Variants in ANKRD30BL observed in about 807,000 individuals in gnomAD.
The protein encoded by ANKRD30BL is ankyrin repeat domain 30B like.
In ANKRD30BL, 20 loss-of-function variants were observed where a neutral mutation model predicts 18.4. The ratio of observed to expected loss-of-function variants is 1.09; its 90% CI spans 0.77 to 1.58. ANKRD30BL has a LOEUF of 1.58. Among genes scored for constraint, ANKRD30BL ranks in the 40% most tolerant of loss-of-function variants. The pLI, the probability that ANKRD30BL is intolerant of heterozygous loss-of-function variation, is 0.00. For missense variants in ANKRD30BL, 224 were observed against 268.6 expected (o/e 0.83, Z 1.16); for synonymous variants, 72 against 100.9 (o/e 0.71, Z 1.72).
chr2:132,219,575 A>G (rs1679611609), intron 1 of ANKRD30BL, among the ~76,000 whole-genome samples: 1 of 152,068 alleles, frequency 6.6e-6, no homozygotes, highest in South Asian at 2.1e-4. Context: ...ATCATAGAGC[A>G]GTTTTGAAAC....
At chr2:132,232,392 A>G (rs1447176842) in intron 1 of ANKRD30BL, among the ~76,000 whole-genome samples, 1 of 152,202 alleles carries the variant, frequency 6.6e-6, no homozygotes, top group East Asian at 1.9e-4. Context: ...ACTCTGAGCT[A>G]TGGGAGGACA....
At chr2:132,206,809 G>C (rs200492579) in intron 1 of ANKRD30BL, among the ~76,000 whole-genome samples, 1 of 152,202 alleles carries the variant, frequency 6.6e-6, no homozygotes. Flanking sequence ...TTAAATGAAG[G>C]AGTTAGCAGT....
At chr2:132,148,435 C>T (rs1186954393) in intron 5 of ANKRD30BL, among the ~76,000 whole-genome samples, 1 of 130,942 alleles carries the variant, frequency 7.6e-6, no homozygotes, top group Non-Finnish European at 1.6e-5. Context: ...GGCACGATCT[C>T]AGCAGATCAC....
At chr2:132,208,039 G>T (rs1679244104) in intron 1 of ANKRD30BL, among the ~76,000 whole-genome samples, 1 of 152,044 alleles carries the variant, frequency 6.6e-6, no homozygotes, top group Non-Finnish European at 1.5e-5. Flanking sequence ...AAATAAAGTG[G>T]CTTCTACTGT....
At chr2:132,182,260 A>C (rs1187601330) in intron 1 of ANKRD30BL, among the ~76,000 whole-genome samples, 1 of 152,162 alleles carries the variant, frequency 6.6e-6, no homozygotes, top group Non-Finnish European at 1.5e-5. Context: ...AGATGGGCAG[A>C]TCACGAGGTC....
At chr2:132,239,372 T>C (rs1348428070) in intron 1 of ANKRD30BL, among the ~76,000 whole-genome samples, 4 of 152,018 alleles carry the variant, frequency 2.6e-5, no homozygotes, top group Non-Finnish European at 5.9e-5. Flanking sequence ...GGGTTCAACA[T>C]TCCTTTTCAT....
At chr2:132,193,087 CTCACCACAGAAGAGGCACTCAATAACCAA>C (rs1340159482) in intron 1 of ANKRD30BL, among the ~76,000 whole-genome samples, 1 of 152,172 alleles carries the variant, frequency 6.6e-6, no homozygotes, top group African/African-American at 2.4e-5. Flanking sequence ...CAAGAAAGCA[CTCACCACAGAAGAGGCACTCAATAACCAA>C]TCAGACAAAA....
intron 1 of ANKRD30BL, among the ~76,000 whole-genome samples, chr2:132,254,917 T>A (rs1680781263): frequency 6.6e-6 from 1 of 152,140 alleles, no homozygotes; most frequent in South Asian, 2.1e-4. Flanking sequence ...AATCTGTCAA[T>A]CCTGTCCGTG....
intron 1 of ANKRD30BL, among the ~76,000 whole-genome samples, chr2:132,198,489 A>G (rs546614789): frequency 6.6e-6 from 1 of 151,382 alleles, no homozygotes; most frequent in East Asian, 1.9e-4. Context: ...ATGCCCCGCT[A>G]ATTTTTTGCA....
At chr2:132,256,955 C>A in intron 1 of ANKRD30BL, 1 of 500,596 alleles carries the variant, frequency 2.0e-6, no homozygotes, top group Non-Finnish European at 4.0e-6. Flanking sequence ...CGCAGAGGGG[C>A]GGCTCGGGGA....
intron 1 of ANKRD30BL, among the ~76,000 whole-genome samples, chr2:132,221,248 T>A (rs1679669134): frequency 7.0e-6 from 1 of 142,088 alleles, no homozygotes; most frequent in African/African-American, 2.8e-5. Flanking sequence ...GAGGGGCTCC[T>A]CTGCCCGGCC....
chr2:132,204,503 A>G (rs1373322068), intron 1 of ANKRD30BL, among the ~76,000 whole-genome samples: 2 of 150,274 alleles, frequency 1.3e-5, no homozygotes, highest in African/African-American at 4.9e-5. Flanking sequence ...TATATATAGT[A>G]TATATATATA....
intron 1 of ANKRD30BL, among the ~76,000 whole-genome samples, chr2:132,237,898 T>C (rs1573877341): frequency 6.6e-6 from 1 of 152,180 alleles, no homozygotes; most frequent in East Asian, 1.9e-4. Flanking sequence ...AACACTCTTT[T>C]TGCAGAGTCT....
chr2:132,175,754 A>C (rs958317265), intron 1 of ANKRD30BL, among the ~76,000 whole-genome samples: 4 of 152,228 alleles, frequency 2.6e-5, no homozygotes, highest in Non-Finnish European at 4.4e-5. Context: ...TATCGAGACT[A>C]GAGAATGGCG....
rs780897408 is a variant in ANKRD30BL at position 132,154,735 on chromosome 2, T to A, written c.541A>T (p.Lys181Ter). 8.8e-5 allele frequency: 64 copies of A among 730,498 alleles called. No homozygotes were observed. Among genetic ancestry groups the A allele is most frequent in the Non-Finnish European group, 1.6e-4 (61 of 391,272 alleles). The allele number at this position is 730,498 out of a possible 1,614,324, so 45.3% of individuals were successfully genotyped here. The change falls in exon 4 of 6, where the codon AAA becomes TAA. Residue 181 changes from lysine (K) to a stop codon, truncating the protein, a stop_gained. Coordinates refer to ENST00000409867, the MANE Select transcript of ANKRD30BL (RefSeq NM_001358416.1). LOFTEE classifies it high-confidence loss of function. ...GHTPLLLAIR[K>*]RSEEIVEFLL... ...AATTCCACAATTTCCTCACTTCTTTTCCTTATGGCCAGTAAAAGTGGTGTG... is the reference window on the plus strand; with the variant it reads ...AATTCCACAATTTCCTCACTTCTTTACCTTATGGCCAGTAAAAGTGGTGTG...
intron 1 of ANKRD30BL, among the ~76,000 whole-genome samples, chr2:132,187,184 G>GTTTTTTTT (rs1392451243): frequency 8.5e-5 from 9 of 105,348 alleles, no homozygotes; most frequent in South Asian, 3.1e-4. Flanking sequence ...TTTTTTTTTT[G>GTTTTTTTT]TTTGTTTTTT....
chr2:132,194,343 G>C (rs548545042), intron 1 of ANKRD30BL, among the ~76,000 whole-genome samples: 1 of 152,318 alleles, frequency 6.6e-6, no homozygotes, highest in South Asian at 2.1e-4. Flanking sequence ...TAATGACCAA[G>C]GAAATTTGAA....
At chr2:132,213,689 T>C (rs1435826074) in intron 1 of ANKRD30BL, among the ~76,000 whole-genome samples, 2 of 152,222 alleles carry the variant, frequency 1.3e-5, no homozygotes, top group South Asian at 2.1e-4. Flanking sequence ...AACTTCTTTG[T>C]GATGTGTGCA....
At position 132,233,883 on chromosome 2, in the gene ANKRD30BL, A is replaced by AT. The variant is rs571272237; in HGVS notation, n.441+23645dup. ...TCCACCCCAAATCAACAGAATATAC[A>AT]TTTTTTTCAACACCACACCACACCT... On this transcript the variant is annotated intron_variant and non_coding_transcript_variant, in intron 1 of 4. Transcript: ENST00000470729. 1.6e-3 allele frequency among the ~76,000 whole-genome samples: 242 copies of AT among 152,016 alleles called. 1 individual carries two copies. Among genetic ancestry groups the AT allele is most frequent in the African/African-American group, 5.5e-3 (226 of 41,464 alleles).
Sources: allele counts gnomAD v4.1 joint callset (sites outside exome capture counted in the v4.1 genomes callset), GRCh38; gene constraint gnomAD v4.1.1; transcripts MANE v1.5; gene names NCBI Gene and HGNC (gene_info 2026-07-23, HGNC 2026-07-21).